Variants in CRYGS observed in about 807,000 individuals in gnomAD.
The protein encoded by CRYGS is crystallin gamma S, also known as gamma-crystallin S.
CRYGS carries 13 observed loss-of-function variants against 21.3 expected under a neutral mutation model. The observed-to-expected ratio is 0.61, with a 90% CI of 0.40 to 0.97. The LOEUF is 0.97. CRYGS is among the 50% of genes least tolerant of loss of function. CRYGS has a pLI of 0.00. For synonymous variants in CRYGS, 67 were observed against 75.0 expected (o/e 0.89, Z 0.55); for missense variants, 205 against 229.7 (o/e 0.89, Z 0.69).
In CRYGS at chr3:186,539,535, T is replaced by C; in HGVS notation, c.84A>G (p.Ala28=). The C allele has an allele frequency of 2.5e-6, 4 of 1,614,090 alleles. No homozygotes were observed. Among genetic ancestry groups the C allele is most frequent in the South Asian group, 1.1e-5 (1 of 91,072 alleles). ...AGCGACTTAGGTATGTGTGGAAATCTGCACAGTCGCAATCACAGTCATAGC... is the reference window on the plus strand; with the variant it reads ...AGCGACTTAGGTATGTGTGGAAATCCGCACAGTCGCAATCACAGTCATAGC... ...GRRYDCDCDC[A]DFHTYLSRCN... Residue 28 remains alanine (A), a synonymous_variant, in exon 2 of 3, where the codon GCA becomes GCG. Transcript: ENST00000307944.
Position 186,538,659 on chromosome 3 carries a change from T to G in CRYGS, c.*37A>C. 6.2e-7 allele frequency: 1 copy of G among 1,613,666 alleles called. No individual in the cohort carries two copies. Among genetic ancestry groups the G allele is most frequent in the South Asian group, 1.1e-5 (1 of 91,056 alleles). On this transcript the variant is annotated 3_prime_UTR_variant, in exon 3 of 3. Coordinates refer to ENST00000307944, the MANE Select transcript of CRYGS (RefSeq NM_017541.4). ...ATTTGGACCACAAGGCCAGCCAGCA[T>G]TTGGGCCCCAGGAAGAATATGGCCC...
At chr3:186,541,853 T>C (rs1435733101) in intron 1 of CRYGS, among the ~76,000 whole-genome samples, 1 of 152,196 alleles carries the variant, frequency 6.6e-6, no homozygotes, top group Non-Finnish European at 1.5e-5. Flanking sequence ...CAGCACTTAC[T>C]CTCTTGGACA....
chr3:186,538,962 C>T lies in CRYGS; in HGVS notation c.271G>A (p.Gly91Arg), dbSNP rs745817783. 1 of 1,613,974 alleles carries T rather than the reference C, an allele frequency of 6.2e-7. No homozygotes were observed. Among genetic ancestry groups the T allele is most frequent in the Non-Finnish European group, 8.5e-7 (1 of 1,179,984 alleles). Residue 91 changes from glycine (G) to arginine (R), a missense_variant, in exon 3 of 3, where the codon GGA becomes AGA. Transcript: ENST00000307944. ...AAGATCTGAATCTTATACTGGCCTC[C>T]ACTAGGCTGAAAAGACACAGGAGAA... ...SSCRAVHLPS[G>R]GQYKIQIFEK...
In CRYGS at chr3:186,539,451, A is replaced by T; in HGVS notation, c.168T>A (p.Ala56=). The T allele has an allele frequency of 6.2e-7, 1 of 1,612,906 alleles. No individual in the cohort carries two copies. Among genetic ancestry groups the T allele is most frequent in the Non-Finnish European group, 8.5e-7 (1 of 1,180,018 alleles). ...CCTGTGGTAAGATGTACATGTACCCAGCAAAGTTGGGCCTTTCATAAACAG... is the reference window on the plus strand; with the variant it reads ...CCTGTGGTAAGATGTACATGTACCCTGCAAAGTTGGGCCTTTCATAAACAG... ...TWAVYERPNF[A]GYMYILPQGE... Residue 56 remains alanine, a synonymous_variant, in exon 2 of 3, where the codon GCT becomes GCA. Coordinates refer to ENST00000307944, the MANE Select transcript of CRYGS (RefSeq NM_017541.4).
chr3:186,541,270 C>T lies in CRYGS; in HGVS notation c.22-1673G>A, dbSNP rs934116646. 3.9e-5 allele frequency among the ~76,000 whole-genome samples: 6 copies of T among 152,172 alleles called. No homozygotes were observed. In the East Asian group the frequency reaches 9.6e-4, roughly 24 times the overall value. ...ATATACTAATAATTGTTTCCCTCCA[C>T]CTTAATCTTTCCCTTCCCTTCCCAT... is the stretch of plus-strand genomic sequence containing the variant. On this transcript the variant is annotated intron_variant, in intron 1 of 2. Transcript: ENST00000307944.
rs749524236 is a variant in CRYGS at position 186,539,354 on chromosome 3, C to A, written c.264+1G>T. 3 of 1,612,170 alleles carry A rather than the reference C, an allele frequency of 1.9e-6. No individual in the cohort carries two copies. In the Admixed American group the frequency reaches 5.0e-5, roughly 27 times the overall value. ...AGGGAGTACACAGTCCCCAGACTCACCAGATGAACAGCTCTGCAGGAGCTG... is the reference window on the plus strand; with the variant it reads ...AGGGAGTACACAGTCCCCAGACTCAACAGATGAACAGCTCTGCAGGAGCTG... On this transcript the variant is annotated splice_donor_variant, in intron 2 of 2. Transcript: ENST00000307944. LOFTEE classifies it high-confidence loss of function.
intron 1 of CRYGS, among the ~76,000 whole-genome samples, chr3:186,541,661 CT>C (rs1714070497): frequency 6.6e-6 from 1 of 152,182 alleles, no homozygotes; most frequent in South Asian, 2.1e-4. Context: ...TAGCAATAAG[CT>C]TTTGCTACAG....
At chr3:186,544,161 A>C (rs946671063) in intron 1 of CRYGS, 145 bp downstream of exon 1, 1 of 720,850 alleles carries the variant, frequency 1.4e-6, no homozygotes, top group African/African-American at 1.8e-5. Flanking sequence ...AAAATATAAT[A>C]AGCATTTCTT....
intron 1 of CRYGS, 56 bp from the exon 2 acceptor site, chr3:186,539,653 G>A (rs911723039): frequency 6.2e-7 from 1 of 1,605,718 alleles, no homozygotes; most frequent in South Asian, 1.1e-5. Context: ...TTAATTCACA[G>A]ATAAAAATTA....
intron 1 of CRYGS, among the ~76,000 whole-genome samples, chr3:186,542,752 T>C (rs1474524833): frequency 6.6e-6 from 1 of 152,192 alleles, no homozygotes. Flanking sequence ...GAGTACACTA[T>C]TACTACTCTG....
At chr3:186,544,143 A>G (rs1714134404) in intron 1 of CRYGS, among the ~76,000 whole-genome samples, 163 bp downstream of exon 1, 1 of 152,192 alleles carries the variant, frequency 6.6e-6, no homozygotes, top group African/African-American at 2.4e-5. Flanking sequence ...TAATTCTGTT[A>G]AGGGTGGAAA....
intron 1 of CRYGS, chr3:186,540,293 T>A (rs1056119735): frequency 1.3e-5 from 2 of 152,624 alleles, no homozygotes; most frequent in African/African-American, 4.8e-5. Context: ...CTGAAAAATA[T>A]GCAGCCCTGT....
intron 1 of CRYGS, chr3:186,540,270 G>A (rs1268038769): frequency 1.3e-5 from 2 of 152,820 alleles, no homozygotes; most frequent in Non-Finnish European, 2.9e-5. Context: ...CCTGGGGTAA[G>A]TCTCTGATGG....
rs771855592 is a variant in CRYGS, at chr3:186,544,309, G to A, written c.18C>T (p.Thr6=). The change falls in exon 1 of 3, where the codon ACC becomes ACT. Residue 6 remains threonine (T), a synonymous_variant. Coordinates refer to ENST00000307944, the MANE Select transcript of CRYGS (RefSeq NM_017541.4). Reference sequence around the variant, plus strand: ...AAAAATCAATATGACTACTTACCTTGGTTCCAGTTTTAGACATTTTTGGTG... The same window carrying A: ...AAAAATCAATATGACTACTTACCTTAGTTCCAGTTTTAGACATTTTTGGTG... MSKTG[T]KITFYEDKNF... The A allele has an allele frequency of 6.2e-7, 1 of 1,603,512 alleles. No homozygotes were observed. The highest frequency in any genetic ancestry group is 8.5e-7 in the Non-Finnish European group (1 of 1,170,380).
At chr3:186,541,011 G>A (rs1714052183) in intron 1 of CRYGS, among the ~76,000 whole-genome samples, 2 of 152,154 alleles carry the variant, frequency 1.3e-5, no homozygotes, top group Admixed American at 1.3e-4. Context: ...GAGTGAGTTG[G>A]ACTTAGTAGT....
Position 186,538,860 on chromosome 3 carries a change from G to T in CRYGS, c.373C>A (p.Arg125=). Residue 125 remains arginine (R), a synonymous_variant, in exon 3 of 3, where the codon CGA becomes AGA. Coordinates refer to ENST00000307944, the MANE Select transcript of CRYGS (RefSeq NM_017541.4). Reference sequence around the variant, plus strand: ...AGCACCTTACAGGAGTGGATCTCTCGCATGTGAAATTGCTCCATGATGGAA... The same window carrying T: ...AGCACCTTACAGGAGTGGATCTCTCTCATGTGAAATTGCTCCATGATGGAA... ...CPSIMEQFHM[R]EIHSCKVLEG... 6.2e-7 allele frequency: 1 copy of T among 1,613,992 alleles called. No individual in the cohort carries two copies. The highest frequency in any genetic ancestry group is 8.5e-7 in the Non-Finnish European group (1 of 1,179,964).
At position 186,538,622 on chromosome 3, in the gene CRYGS, T is replaced by C. The variant is rs548442038; in HGVS notation, c.*74A>G. On this transcript the variant is annotated 3_prime_UTR_variant, in exon 3 of 3. Coordinates refer to ENST00000307944, the MANE Select transcript of CRYGS (RefSeq NM_017541.4). ...AGTGGGATGCATGCCAACTGTTTTATTGATGATGCCTATTTGGACCACAAG... is the reference window on the plus strand; with the variant it reads ...AGTGGGATGCATGCCAACTGTTTTACTGATGATGCCTATTTGGACCACAAG... The C allele has an allele frequency of 4.0e-5, 63 of 1,592,378 alleles. No individual in the cohort carries two copies. The African/African-American group carries it at 4.7e-4, about 12-fold the overall frequency.
chr3:186,539,265 G>C, intron 2 of CRYGS, 90 bp downstream of exon 2: 2 of 1,565,430 alleles, frequency 1.3e-6, no homozygotes, highest in Non-Finnish European at 1.7e-6. Flanking sequence ...TTAAGAGGTA[G>C]AGAAGACTCA....
In CRYGS at chr3:186,538,490, T is replaced by C; in HGVS notation, c.*206A>G. On this transcript the variant is annotated 3_prime_UTR_variant, in exon 3 of 3. Transcript: ENST00000307944. ...GATCTCATTTTGTTTGGCACAAAGATCTAGATTGGTGATCTGGCAGATGGG... is the reference window on the plus strand; with the variant it reads ...GATCTCATTTTGTTTGGCACAAAGACCTAGATTGGTGATCTGGCAGATGGG... 1 of 625,836 alleles carries C rather than the reference T, an allele frequency of 1.6e-6. No homozygotes were observed. Among genetic ancestry groups the C allele is most frequent in the Non-Finnish European group, 2.8e-6 (1 of 357,704 alleles). 38.8% of individuals were successfully genotyped at this position (625,836 alleles called of 1,614,324 possible). A position where few individuals can be genotyped will look rare whatever the true frequency, so the allele number is the denominator to read the frequency against.
Sources: allele counts gnomAD v4.1 joint callset (sites outside exome capture counted in the v4.1 genomes callset), GRCh38; gene constraint gnomAD v4.1.1; transcripts MANE v1.5; gene names NCBI Gene and HGNC (gene_info 2026-07-23, HGNC 2026-07-21).